The following LDAH variants were observed in gnomAD, a reference collection of about 807,000 sequenced individuals.
LDAH encodes the protein lipid droplet-associated hydrolase.
LDAH carries 26 observed loss-of-function variants against 29.6 expected under a neutral mutation model. The ratio of observed to expected loss-of-function variants is 0.88; its 90% CI spans 0.64 to 1.22. LDAH has a LOEUF of 1.22. LDAH is among the 50% of genes most tolerant of loss of function. The pLI, the probability that LDAH is intolerant of heterozygous loss-of-function variation, is 0.00. For missense variants in LDAH, 344 were observed against 387.3 expected, an observed-to-expected ratio of 0.89 and a Z score of 0.94; for synonymous variants, 117 against 133.0, an observed-to-expected ratio of 0.88 and a Z score of 0.83.
intron 5 of LDAH, among the ~76,000 whole-genome samples, chr2:20,728,509 T>A (rs1268891540): frequency 6.7e-6 from 1 of 148,674 alleles, no homozygotes; most frequent in Non-Finnish European, 1.5e-5. Context: ...CCACTGATCA[T>A]CTCCCAAAGT....
intron 5 of LDAH, among the ~76,000 whole-genome samples, chr2:20,705,839 G>C (rs947074051): frequency 6.6e-6 from 1 of 152,022 alleles, no homozygotes; most frequent in Non-Finnish European, 1.5e-5. Context: ...AAATTTTATT[G>C]TTAAGTCTTA....
chr2:20,822,441 C>T (rs1207344926), intron 1 of LDAH, among the ~76,000 whole-genome samples: 1 of 152,212 alleles, frequency 6.6e-6, no homozygotes, highest in Non-Finnish European at 1.5e-5. Flanking sequence ...CGGCGCCCGG[C>T]CAGGACTATC....
intron 6 of LDAH, among the ~76,000 whole-genome samples, chr2:20,701,152 A>T (rs1663905534): frequency 6.6e-6 from 1 of 152,240 alleles, no homozygotes; most frequent in South Asian, 2.1e-4. Context: ...TCAGAGCAGG[A>T]CATTCCTACT....
chr2:20,718,142 C>T (rs568771633), intron 5 of LDAH, among the ~76,000 whole-genome samples: 66 of 152,090 alleles, frequency 4.3e-4, no homozygotes, highest in Non-Finnish European at 6.9e-4. Flanking sequence ...ACAAGTAAAA[C>T]GACAGTATTA....
intron 4 of LDAH, among the ~76,000 whole-genome samples, chr2:20,760,522 C>A (rs998168757): frequency 1.3e-5 from 2 of 152,206 alleles, no homozygotes; most frequent in Non-Finnish European, 2.9e-5. Flanking sequence ...GGGCTGCAGT[C>A]TCATCTGAGG....
At chr2:20,716,393 A>G (rs1665185608) in intron 5 of LDAH, among the ~76,000 whole-genome samples, 1 of 152,114 alleles carries the variant, frequency 6.6e-6, no homozygotes. Flanking sequence ...AATACTATGC[A>G]GCCATAAAGA....
intron 5 of LDAH, among the ~76,000 whole-genome samples, chr2:20,724,839 C>G (rs979391763): frequency 6.6e-6 from 1 of 152,160 alleles, no homozygotes; most frequent in Non-Finnish European, 1.5e-5. Flanking sequence ...TTTGGTGGTA[C>G]GTAGCCTAGT....
rs925384441 is a variant in LDAH at position 20,684,789 on chromosome 2, C to T, written c.*2114G>A. 7.4e-5 allele frequency: 103 copies of T among 1,386,650 alleles called. No individual in the cohort carries two copies. The highest frequency in any genetic ancestry group is 9.7e-5 in the Non-Finnish European group (99 of 1,024,862). The allele number at this position is 1,386,650 out of a possible 1,614,324, so 85.9% of individuals were successfully genotyped here. A position where few individuals can be genotyped will look rare whatever the true frequency, so the allele number is the denominator to read the frequency against. ...CAGGAAGTTAAAACTTTCACAAAGA[C>T]CATCCATGTGGTTGACTGGGACATA... On this transcript the variant is annotated 3_prime_UTR_variant, in exon 7 of 7. Transcript: ENST00000237822.
intron 6 of LDAH, 130 bp downstream of exon 6, chr2:20,701,440 T>G: frequency 1.4e-6 from 1 of 694,370 alleles, no homozygotes; most frequent in Non-Finnish European, 2.4e-6. Context: ...CAATTTTAAC[T>G]GGAAGTAGAA....
At chr2:20,707,008 A>G (rs1664354432) in intron 5 of LDAH, among the ~76,000 whole-genome samples, 1 of 152,186 alleles carries the variant, frequency 6.6e-6, no homozygotes, top group African/African-American at 2.4e-5. Flanking sequence ...ATGACTAGCT[A>G]AATTCTTAGA....
At chr2:20,775,037 T>C in intron 3 of LDAH, 58 bp from the exon 4 acceptor site, 1 of 1,434,210 alleles carries the variant, frequency 7.0e-7, no homozygotes, top group Non-Finnish European at 9.6e-7. Flanking sequence ...TGAAAAAAGA[T>C]CAAGAAAAAG....
chr2:20,735,689 T>C (rs1003908676), intron 5 of LDAH, among the ~76,000 whole-genome samples: 5 of 152,154 alleles, frequency 3.3e-5, no homozygotes, highest in African/African-American at 9.7e-5. Context: ...TGTTATGAGA[T>C]TCTGGATCTT....
At chr2:20,805,109 A>G (rs1009362848) in intron 1 of LDAH, among the ~76,000 whole-genome samples, 4 of 152,204 alleles carry the variant, frequency 2.6e-5, no homozygotes, top group Non-Finnish European at 5.9e-5. Context: ...TAAAGTTGTT[A>G]AATATATTCA....
rs1056119493 is a variant in LDAH, at chr2:20,784,895, C to CA, written c.298+5359dup. 5.5e-3 allele frequency among the ~76,000 whole-genome samples: 833 copies of CA among 151,056 alleles called. 8 individuals are homozygous for CA. Among genetic ancestry groups the CA allele is most frequent in the African/African-American group, 0.019 (764 of 41,172 alleles). ...GAGTGAGACCCTGTCTCAAAAAAAA[C>CA]AAAAAAAACAAAAAAACACAAGTTC... On this transcript the variant is annotated intron_variant, in intron 3 of 6. Coordinates refer to ENST00000237822, the MANE Select transcript of LDAH (RefSeq NM_021925.4).
At chr2:20,766,751 G>A (rs1222687026) in intron 4 of LDAH, among the ~76,000 whole-genome samples, 1 of 152,208 alleles carries the variant, frequency 6.6e-6, no homozygotes, top group African/African-American at 2.4e-5. Context: ...GCAGCAGGGG[G>A]CTATCCACAG....
chr2:20,704,987 T>C (rs942592129), intron 5 of LDAH, among the ~76,000 whole-genome samples: 10 of 152,224 alleles, frequency 6.6e-5, no homozygotes, highest in African/African-American at 2.4e-4. Flanking sequence ...GGACTTCCCT[T>C]TGCCACTTCT....
At chr2:20,731,434 T>C (rs1666400568) in intron 5 of LDAH, among the ~76,000 whole-genome samples, 1 of 152,190 alleles carries the variant, frequency 6.6e-6, no homozygotes, top group African/African-American at 2.4e-5. Context: ...ACTTGAGGCG[T>C]CCGCAGAAGT....
intron 1 of LDAH, among the ~76,000 whole-genome samples, chr2:20,820,558 C>A (rs1488140351): frequency 6.6e-6 from 1 of 151,908 alleles, no homozygotes; most frequent in Non-Finnish European, 1.5e-5. Context: ...AACTGGCTAG[C>A]CATATGTAGA....
chr2:20,742,851 C>G (rs760446590), intron 4 of LDAH, among the ~76,000 whole-genome samples: 1 of 148,090 alleles, frequency 6.8e-6, no homozygotes, highest in Non-Finnish European at 1.5e-5. Context: ...CTTGACCTCC[C>G]AGGCTCAAGG....
Sources: allele counts gnomAD v4.1 joint callset (sites outside exome capture counted in the v4.1 genomes callset), GRCh38; gene constraint gnomAD v4.1.1; transcripts MANE v1.5; gene names NCBI Gene and HGNC (gene_info 2026-07-23, HGNC 2026-07-21).